The following PTPRN2 variants were observed in gnomAD, a reference collection of about 807,000 sequenced individuals.
The protein encoded by PTPRN2 is receptor-type tyrosine-protein phosphatase N2.
In PTPRN2, 74 loss-of-function variants were observed where a neutral mutation model predicts 118.8. That is an observed-to-expected ratio of 0.62 (90% confidence interval 0.52 to 0.76). The LOEUF (loss-of-function observed/expected upper bound fraction) is 0.76. Ranked by LOEUF, PTPRN2 falls within the 30% of genes least tolerant of loss-of-function variation. The pLI is 0.00. For synonymous variants in PTPRN2, 641 were observed against 608.0 expected (o/e 1.05, Z -0.80); for missense variants, 1,481 against 1,394.4 (o/e 1.06, Z -0.99).
intron 6 of PTPRN2, among the ~76,000 whole-genome samples, chr7:158,144,064 G>A (rs555681063): frequency 3.2e-4 from 49 of 152,286 alleles, no homozygotes; most frequent in African/African-American, 9.4e-4. Flanking sequence ...TCCATTAACC[G>A]TTCTTCTGCA....
intron 3 of PTPRN2, among the ~76,000 whole-genome samples, chr7:158,248,498 G>A (rs187292871): frequency 4.9e-5 from 7 of 143,034 alleles, no homozygotes. Context: ...AAAATACTGT[G>A]TAGGACTGAA....
chr7:158,307,179 T>G (rs912319102), intron 3 of PTPRN2, among the ~76,000 whole-genome samples: 1 of 152,224 alleles, frequency 6.6e-6, no homozygotes, highest in Non-Finnish European at 1.5e-5. Context: ...AATGAGCTAT[T>G]TTTAATGTGC....
chr7:158,270,807 C>CT (rs1453233620), intron 3 of PTPRN2, among the ~76,000 whole-genome samples: 6 of 13,026 alleles, frequency 4.6e-4, no homozygotes, highest in African/African-American at 2.0e-3. Flanking sequence ...ACCACCCCCT[C>CT]ACCTGGACCG....
rs1028261362 is a variant in PTPRN2 at position 157,780,063 on chromosome 7, G to A, written c.1789-97126C>T. On this transcript the variant is annotated intron_variant, in intron 12 of 22. Coordinates refer to ENST00000389418, the MANE Select transcript of PTPRN2 (RefSeq NM_002847.5). The surrounding 1 kb of genome is among the most constrained non-coding windows in gnomAD (Gnocchi z 4.5). The stretch of plus-strand genomic sequence containing the variant: ...TGCTATGAGTTTTTGATGATGGCTT[G>A]GCTAGTTGAATTCTGATTCGATACT... Among the ~76,000 whole-genome samples, 3 of 152,202 alleles carry A rather than the reference G, an allele frequency of 2.0e-5. No homozygotes were observed. Among genetic ancestry groups the A allele is most frequent in the Non-Finnish European group, 4.4e-5 (3 of 68,030 alleles).
Position 158,131,221 on chromosome 7 carries a change from TACAC to T in PTPRN2, c.1556+2452_1556+2455del, listed in dbSNP as rs537284694. Among the ~76,000 whole-genome samples the T allele has an allele frequency of 1.4e-3, 211 of 150,156 alleles. 1 individual carries two copies. Among genetic ancestry groups the T allele is most frequent in the African/African-American group, 4.3e-3 (174 of 40,640 alleles). Reference sequence around the variant, plus strand: ...ACACACTCATATACACACACGTACATACACACACACCCAACAAACACACATACAT... The same window carrying T: ...ACACACTCATATACACACACGTACATACACACCCAACAAACACACATACAT... On this transcript the variant is annotated intron_variant, in intron 9 of 22. Transcript: ENST00000389418.
Position 157,546,140 on chromosome 7 carries a change from C to T in PTPRN2, c.2976+2806G>A, listed in dbSNP as rs145491299. On this transcript the variant is annotated intron_variant, in intron 22 of 22. Transcript: ENST00000389418. ...CCCTGAGGAAGAGGGTGAACTCCTC[C>T]GGACGCCCAGTCCAAGAAGGAAGCA... Among the ~76,000 whole-genome samples, 403 of 152,242 alleles carry T rather than the reference C, an allele frequency of 2.6e-3. 1 individual carries two copies. The highest frequency in any genetic ancestry group is 8.9e-3 in the African/African-American group (370 of 41,546).
intron 5 of PTPRN2, among the ~76,000 whole-genome samples, chr7:158,170,397 T>G (rs1014650052): frequency 6.6e-6 from 1 of 152,220 alleles, no homozygotes; most frequent in African/African-American, 2.4e-5. Context: ...GCAAAGGGCC[T>G]TTAATTAAAG....
intron 6 of PTPRN2, among the ~76,000 whole-genome samples, chr7:158,149,602 A>T (rs539986040): frequency 6.6e-6 from 1 of 152,154 alleles, no homozygotes; most frequent in South Asian, 2.1e-4. Flanking sequence ...CAGGAGTTCG[A>T]GACCAGCCTG....
chr7:158,485,283 C>A (rs1820926047), intron 2 of PTPRN2, among the ~76,000 whole-genome samples: 1 of 152,034 alleles, frequency 6.6e-6, no homozygotes, highest in Non-Finnish European at 1.5e-5. Context: ...GGATTTCCGC[C>A]CCTGGGCTCC....
intron 11 of PTPRN2, among the ~76,000 whole-genome samples, chr7:158,074,191 A>T (rs1249533286): frequency 6.6e-6 from 1 of 152,220 alleles, no homozygotes; most frequent in Admixed American, 6.5e-5. Context: ...CCTCCTGCAC[A>T]TCCAGGGTAC....
chr7:158,138,021 C>A (rs772528180), intron 7 of PTPRN2, among the ~76,000 whole-genome samples: 1 of 152,238 alleles, frequency 6.6e-6, no homozygotes, highest in Non-Finnish European at 1.5e-5. Flanking sequence ...CTTCCCATCA[C>A]GCCTGTTTTC....
intron 12 of PTPRN2, among the ~76,000 whole-genome samples, chr7:157,786,396 A>G (rs577127319): frequency 4.5e-4 from 68 of 152,332 alleles, no homozygotes; most frequent in African/African-American, 1.5e-3. Flanking sequence ...AAGATTATTT[A>G]TTGTACTTCT....
intron 3 of PTPRN2, among the ~76,000 whole-genome samples, chr7:158,212,443 C>A (rs1419722327): frequency 6.6e-6 from 1 of 152,126 alleles, no homozygotes; most frequent in East Asian, 1.9e-4. Flanking sequence ...ATCCCATTTA[C>A]CCTGACGTGA....
intron 1 of PTPRN2, among the ~76,000 whole-genome samples, chr7:158,547,506 A>G (rs1035461292): frequency 6.6e-6 from 1 of 152,166 alleles, no homozygotes; most frequent in Non-Finnish European, 1.5e-5. Flanking sequence ...GGCTTATTCC[A>G]TTCCATATAA....
chr7:157,728,042 T>C (rs774166486), intron 12 of PTPRN2, among the ~76,000 whole-genome samples: 1 of 152,300 alleles, frequency 6.6e-6, no homozygotes, highest in East Asian at 1.9e-4. Flanking sequence ...CTCTCCCGTC[T>C]ACACCTGGAG....
intron 2 of PTPRN2, among the ~76,000 whole-genome samples, chr7:158,405,234 C>A (rs1011065393): frequency 6.6e-6 from 1 of 152,132 alleles, no homozygotes; most frequent in Non-Finnish European, 1.5e-5. Flanking sequence ...CTCTAGAATT[C>A]CTGGGTGTCA....
rs113689449 is a variant in PTPRN2 at position 157,623,596 on chromosome 7, T to C, written c.2197-2087A>G. ...GCTATTTAAATTCTCACATTTATCT[T>C]AACTATAGGAAGCAAAATTACACTC... is the stretch of plus-strand genomic sequence containing the variant. On this transcript the variant is annotated intron_variant, in intron 14 of 22. Coordinates refer to ENST00000389418, the MANE Select transcript of PTPRN2 (RefSeq NM_002847.5). Among the ~76,000 whole-genome samples, 174 of 152,362 alleles carry C rather than the reference T, an allele frequency of 1.1e-3. 3 individuals carry two copies. The highest frequency in any genetic ancestry group is 4.0e-3 in the African/African-American group (167 of 41,580).
At chr7:158,188,086 C>A (rs900936895) in intron 5 of PTPRN2, among the ~76,000 whole-genome samples, 2 of 151,782 alleles carry the variant, frequency 1.3e-5, no homozygotes, top group Admixed American at 1.3e-4. Context: ...GATGAACCCC[C>A]AGTGGCCCCG....
At chr7:158,533,329 C>T (rs546912502) in intron 1 of PTPRN2, among the ~76,000 whole-genome samples, 1 of 152,354 alleles carries the variant, frequency 6.6e-6, no homozygotes, top group South Asian at 2.1e-4. Context: ...TAAGTCCCAA[C>T]AAAACTTTGC....
Sources: gnomAD v4.1 joint callset for allele counts (sites outside exome capture counted in the v4.1 genomes callset) on GRCh38, gnomAD v4.1.1 for gene constraint, Gnocchi (gnomAD v3.1) non-coding constraint, MANE v1.5 for transcripts, NCBI Gene and HGNC (gene_info 2026-07-23, HGNC 2026-07-21) for gene names.